YARS1: variants seen among roughly 807,000 people sequenced by gnomAD.
The protein encoded by YARS1 is tyrosine--tRNA ligase, cytoplasmic.
A neutral mutation model predicts 62.2 loss-of-function variants in YARS1; 36 were observed. That is an observed-to-expected ratio of 0.58 (90% confidence interval 0.44 to 0.76). The LOEUF (loss-of-function observed/expected upper bound fraction) is 0.76. Among genes scored for constraint, YARS1 ranks in the 30% least tolerant of loss-of-function variants. The pLI is 0.00. For missense variants in YARS1, 524 were observed against 639.8 expected (o/e 0.82, Z 1.95); for synonymous variants, 234 against 244.9 (o/e 0.96, Z 0.42).
At chr1:32,794,530 T>C (rs966778106) in intron 5 of YARS1, among the ~76,000 whole-genome samples, 7 of 151,990 alleles carry the variant, frequency 4.6e-5, no homozygotes, top group Non-Finnish European at 7.4e-5. Flanking sequence ...GCTGGGATTA[T>C]AGGTGCACAC....
Position 32,779,377 on chromosome 1 carries a change from T to C in YARS1, c.1476+5A>G. On this transcript the variant is annotated splice_donor_5th_base_variant and intron_variant, in intron 12 of 12. Transcript: ENST00000373477. The stretch of plus-strand genomic sequence containing the variant: ...CCAAGAAAGGGAACAATTACAGCTT[T>C]TTACCTGCAACTTCTCGAAGACTTT... 1 of 1,614,190 alleles carries C rather than the reference T, an allele frequency of 6.2e-7. No homozygotes were observed. Among genetic ancestry groups the C allele is most frequent in the Non-Finnish European group, 8.5e-7 (1 of 1,180,026 alleles).
In YARS1 at chr1:32,811,366, A is replaced by T. The variant is rs1288630191; in HGVS notation, c.58-309T>A. ...AAGCTGACTCCCAGCACATCAAAGA[A>T]CGCAAATAACTGATAAGATATTGTG... On this transcript the variant is annotated intron_variant, in intron 1 of 12. Transcript: ENST00000373477. 11 of 419,320 alleles carry T rather than the reference A, an allele frequency of 2.6e-5. No individual in the cohort carries two copies. In the East Asian group the frequency reaches 6.0e-4, roughly 23 times the overall value. 26.0% of individuals were successfully genotyped at this position (419,320 alleles called of 1,614,324 possible). A position where few individuals can be genotyped will look rare whatever the true frequency, so the allele number is the denominator to read the frequency against.
chr1:32,806,298 A>C (rs1441991679), intron 4 of YARS1, among the ~76,000 whole-genome samples, 184 bp downstream of exon 4: 1 of 152,232 alleles, frequency 6.6e-6, no homozygotes, highest in Admixed American at 6.5e-5. Flanking sequence ...CAGAGACACG[A>C]AGTGAGCACA....
At position 32,776,835 on chromosome 1, in the gene YARS1, G is replaced by GT. The variant is rs1287151817; in HGVS notation, c.1477-745_1477-744insA. Among the ~76,000 whole-genome samples, 1 of 151,894 alleles carries GT rather than the reference G, an allele frequency of 6.6e-6. No homozygotes were observed. The highest frequency in any genetic ancestry group is 2.4e-5 in the African/African-American group (1 of 41,406). The stretch of plus-strand genomic sequence containing the variant: ...CAAAAAATTAGCCGGGTGTGGTGGT[G>GT]GGGCGCCTGTAGTCCCAGCTACTCA... On this transcript the variant is annotated intron_variant, in intron 12 of 12. Transcript: ENST00000373477. The surrounding 1 kb of genome is among the most constrained non-coding windows in gnomAD (Gnocchi z 4.0).
rs1569696831 is a variant in YARS1 at position 32,776,200 on chromosome 1, T to C, written c.1477-109A>G. The C allele has an allele frequency of 1.1e-6, 1 of 905,358 alleles. No homozygotes were observed. Among genetic ancestry groups the C allele is most frequent in the Admixed American group, 2.0e-5 (1 of 49,978 alleles). 56.1% of individuals were successfully genotyped at this position (905,358 alleles called of 1,614,324 possible). On this transcript the variant is annotated intron_variant, in intron 12 of 12. Coordinates refer to ENST00000373477, the MANE Select transcript of YARS1 (RefSeq NM_003680.4). This position sits in a 1 kb window ranked among gnomAD's most constrained non-coding sequence, Gnocchi z 4.0. ...TTTGCTCTTGTTGCCCAGGCTGGAG[T>C]GCAATGGCGTGATCTTGGCTCACCG... is the stretch of plus-strand genomic sequence containing the variant.
At chr1:32,783,157 G>A (rs1306224735) in intron 8 of YARS1, 2 of 154,656 alleles carry the variant, frequency 1.3e-5, no homozygotes, top group African/African-American at 4.8e-5. Context: ...TGCCGGGCCA[G>A]TGTTGGCTTT....
intron 4 of YARS1, among the ~76,000 whole-genome samples, chr1:32,799,058 C>G (rs1207648814): frequency 6.6e-6 from 1 of 152,186 alleles, no homozygotes. Context: ...AAGAAATTAT[C>G]TCTATTTAGT....
chr1:32,810,487 C>G (rs1048721061), intron 3 of YARS1, 104 bp downstream of exon 3: 6 of 1,477,116 alleles, frequency 4.1e-6, no homozygotes, highest in Non-Finnish European at 5.7e-6. Flanking sequence ...ATAGGTCACG[C>G]CAGACAGCTT....
intron 9 of YARS1, 77 bp from the exon 10 acceptor site, chr1:32,781,222 A>C (rs1653045588): frequency 8.7e-7 from 1 of 1,150,384 alleles, no homozygotes; most frequent in East Asian, 2.3e-5. Flanking sequence ...ACGTTAAGAC[A>C]CTGAGATTAG....
intron 1 of YARS1, among the ~76,000 whole-genome samples, chr1:32,815,404 T>G (rs1048276737): frequency 6.6e-6 from 1 of 152,164 alleles, no homozygotes; most frequent in Non-Finnish European, 1.5e-5. Context: ...AATAGTTTTG[T>G]GTATTTTTAG....
At chr1:32,816,029 A>C (rs914142763) in intron 1 of YARS1, among the ~76,000 whole-genome samples, 1 of 151,530 alleles carries the variant, frequency 6.6e-6, no homozygotes, top group African/African-American at 2.4e-5. Flanking sequence ...GAATGGCGTG[A>C]ACCTGGGAGG....
At position 32,810,755 on chromosome 1, in the gene YARS1, C is replaced by T; in HGVS notation, c.216G>A (p.Leu72=). 1.2e-6 allele frequency: 2 copies of T among 1,614,148 alleles called. No homozygotes were observed. Among genetic ancestry groups the T allele is most frequent in the South Asian group, 1.1e-5 (1 of 91,082 alleles). Reference sequence around the variant, plus strand: ...CCAGGTATGCGTGGAGGTCCGCAAACAGAATTGTTACCTGGACAAGAGATA... The same window carrying T: ...CCAGGTATGCGTGGAGGTCCGCAAATAGAATTGTTACCTGGACAAGAGATA... ...FLKAGCEVTI[L]FADLHAYLDN... The change falls in exon 3 of 13, where the codon CTG becomes CTA. Residue 72 remains leucine (L), a synonymous_variant. Coordinates refer to ENST00000373477, the MANE Select transcript of YARS1 (RefSeq NM_003680.4).
chr1:32,800,032 G>A (rs555593513), intron 4 of YARS1, among the ~76,000 whole-genome samples: 1 of 152,076 alleles, frequency 6.6e-6, no homozygotes, highest in Non-Finnish European at 1.5e-5. Context: ...CCAGGCTGGA[G>A]GGCAGTGGCA....
chr1:32,787,051 G>A lies in YARS1; in HGVS notation c.709C>T (p.Arg237Trp), dbSNP rs1385295171. Residue 237 changes from arginine to tryptophan, a missense_variant, in exon 7 of 13, where the codon CGG becomes TGG. Coordinates refer to ENST00000373477, the MANE Select transcript of YARS1 (RefSeq NM_003680.4). Reference protein sequence around the residue: ...EEESKIDLLDRKEDVKKKLKK... With the variant: ...EEESKIDLLDWKEDVKKKLKK... ...AGTTTTTTCTTCACATCCTCCTTCC[G>A]ATCAAGGAGATCAATCTTGGACTCC... 4.3e-6 allele frequency: 7 copies of A among 1,614,008 alleles called. No homozygotes were observed. Among genetic ancestry groups the A allele is most frequent in the East Asian group, 4.5e-5 (2 of 44,896 alleles).
At chr1:32,810,481 G>A (rs1312830275) in intron 3 of YARS1, 110 bp downstream of exon 3, 8 of 1,411,540 alleles carry the variant, frequency 5.7e-6, no homozygotes, top group Non-Finnish European at 8.0e-6. Context: ...TTCTTAATAG[G>A]TCACGCCAGA....
At chr1:32,810,807 C>T in intron 2 of YARS1, 41 bp from the exon 3 acceptor site, 1 of 1,614,000 alleles carries the variant, frequency 6.2e-7, no homozygotes, top group East Asian at 2.2e-5. Flanking sequence ...TGAATTTGTC[C>T]AATTACCTCC....
chr1:32,782,710 T>C lies in YARS1; in HGVS notation c.907-171A>G, dbSNP rs867337384. On this transcript the variant is annotated intron_variant, in intron 8 of 12. Coordinates refer to ENST00000373477, the MANE Select transcript of YARS1 (RefSeq NM_003680.4). ...AAATACATTCAGAAAGACTAACGTG[T>C]CCAAAATCCAAGTCTTTTGATTCTG... is the stretch of plus-strand genomic sequence containing the variant. 3 of 802,684 alleles carry C rather than the reference T, an allele frequency of 3.7e-6. No homozygotes were observed. The South Asian group carries it at 5.2e-5, about 14-fold the overall frequency. The allele number at this position is 802,684 out of a possible 1,614,324, so 49.7% of individuals were successfully genotyped here.
chr1:32,780,339 A>G, intron 10 of YARS1, 61 bp from the exon 11 acceptor site: 1 of 1,600,488 alleles, frequency 6.2e-7, no homozygotes, highest in Non-Finnish European at 8.5e-7. Flanking sequence ...CAGCCTGGTG[A>G]ACTCTTGGAT....
At chr1:32,797,128 T>A (rs948421733) in intron 5 of YARS1, among the ~76,000 whole-genome samples, 1 of 144,228 alleles carries the variant, frequency 6.9e-6, no homozygotes, top group Non-Finnish European at 1.5e-5. Context: ...TCCCAGCACT[T>A]TGGGAGGCCA....
Sources: allele counts gnomAD v4.1 joint callset (sites outside exome capture counted in the v4.1 genomes callset), GRCh38; gene constraint gnomAD v4.1.1; non-coding constraint Gnocchi (gnomAD v3.1); transcripts MANE v1.5; gene names NCBI Gene and HGNC (gene_info 2026-07-23, HGNC 2026-07-21).